The following KIF6 variants were observed in gnomAD, a reference collection of about 807,000 sequenced individuals.
The protein encoded by KIF6 is kinesin-like protein KIF6.
In KIF6, 106 loss-of-function variants were observed where a neutral mutation model predicts 112.7. That is an observed-to-expected ratio of 0.94 (90% CI 0.80 to 1.11). KIF6 has a LOEUF of 1.11. Among genes scored for constraint, KIF6 ranks in the 50% least tolerant of loss-of-function variants. The pLI, the probability that KIF6 is intolerant of heterozygous loss-of-function variation, is 0.00. For missense variants in KIF6, 929 were observed against 964.0 expected (o/e 0.96, Z 0.48); for synonymous variants, 339 against 339.9 (o/e 1.00, Z 0.03).
chr6:39,366,604 G>T (rs1262037734), intron 16 of KIF6, among the ~76,000 whole-genome samples: 1 of 152,168 alleles, frequency 6.6e-6, no homozygotes, highest in African/African-American at 2.4e-5. Flanking sequence ...TTTGAGCAGT[G>T]ACCTGAATGG....
chr6:39,716,633 C>T (rs1479741366), intron 2 of KIF6, among the ~76,000 whole-genome samples: 1 of 152,028 alleles, frequency 6.6e-6, no homozygotes, highest in East Asian at 1.9e-4. Flanking sequence ...AGGAAGAAGT[C>T]GAGATCCACA....
chr6:39,605,587 G>A (rs570006403), intron 6 of KIF6, among the ~76,000 whole-genome samples: 2 of 151,932 alleles, frequency 1.3e-5, no homozygotes, highest in South Asian at 4.2e-4. Context: ...GTATCATTTT[G>A]TTCTAATGAA....
chr6:39,490,303 G>A (rs1247730026), intron 13 of KIF6, among the ~76,000 whole-genome samples: 1 of 152,196 alleles, frequency 6.6e-6, no homozygotes, highest in East Asian at 1.9e-4. Context: ...AAGCAGAATG[G>A]ATTGTGAAAT....
intron 6 of KIF6, among the ~76,000 whole-genome samples, chr6:39,598,611 A>G (rs368112283): frequency 6.8e-5 from 10 of 146,530 alleles, no homozygotes; most frequent in African/African-American, 2.3e-4. Context: ...GTGTGTATCT[A>G]TATATCTATA....
At chr6:39,532,927 G>C (rs879102687) in intron 13 of KIF6, among the ~76,000 whole-genome samples, 11 of 152,186 alleles carry the variant, frequency 7.2e-5, no homozygotes, top group Admixed American at 7.2e-4. Flanking sequence ...ATCATGCTCT[G>C]CTGGCCTAAC....
At chr6:39,714,886 T>C in intron 2 of KIF6, 120 bp from the exon 3 acceptor site, 1 of 678,920 alleles carries the variant, frequency 1.5e-6, no homozygotes, top group South Asian at 1.8e-5. Context: ...TGGGCTTACC[T>C]AACTTAGCAC....
At chr6:39,352,097 G>A (rs1764285138) in intron 19 of KIF6, among the ~76,000 whole-genome samples, 1 of 152,210 alleles carries the variant, frequency 6.6e-6, no homozygotes, top group Non-Finnish European at 1.5e-5. Context: ...TTCTGCTTCT[G>A]CAGTTTTAAA....
intron 4 of KIF6, 73 bp from the exon 5 acceptor site, chr6:39,635,031 T>C (rs1784553216): frequency 1.3e-6 from 1 of 794,532 alleles, no homozygotes; most frequent in Non-Finnish European, 2.2e-6. Context: ...TGAACACATT[T>C]AGCACTCAGT....
chr6:39,491,507 T>G (rs1384257348), intron 13 of KIF6, among the ~76,000 whole-genome samples: 1 of 152,232 alleles, frequency 6.6e-6, no homozygotes, highest in South Asian at 2.1e-4. Flanking sequence ...TAAACGACTA[T>G]GTTTGGAGTT....
At chr6:39,353,207 T>C (rs1286951423) in intron 19 of KIF6, among the ~76,000 whole-genome samples, 1 of 152,240 alleles carries the variant, frequency 6.6e-6, no homozygotes, top group Non-Finnish European at 1.5e-5. Flanking sequence ...AGAGTTCCTA[T>C]TGCTCAACAT....
chr6:39,615,359 T>C (rs2045577), intron 5 of KIF6, among the ~76,000 whole-genome samples: 19,383 of 152,036 alleles, frequency 0.13, 1,779 homozygotes, highest in East Asian at 0.31. Context: ...AGAGATGGGG[T>C]AGCAGCAAAC....
At chr6:39,611,126 C>T (rs914655449) in intron 6 of KIF6, among the ~76,000 whole-genome samples, 1 of 152,004 alleles carries the variant, frequency 6.6e-6, no homozygotes, top group Non-Finnish European at 1.5e-5. Context: ...GCTAACATGG[C>T]GAAACCCTGT....
In KIF6 at chr6:39,343,469, G is replaced by C. The variant is rs1311060648; in HGVS notation, c.2428+240C>G. The C allele has an allele frequency of 6.8e-7, 1 of 1,471,676 alleles. No individual in the cohort carries two copies. The highest frequency in any genetic ancestry group is 9.0e-7 in the Non-Finnish European group (1 of 1,106,170). The allele number at this position is 1,471,676 out of a possible 1,614,324, so 91.2% of individuals were successfully genotyped here. A position where few individuals can be genotyped will look rare whatever the true frequency, so the allele number is the denominator to read the frequency against. ...AGACAGAGAGCAAGCTCTGCCAAGAGGGACAGGAGCACCTGGGCCGCCCAC... is the reference window on the plus strand; with the variant it reads ...AGACAGAGAGCAAGCTCTGCCAAGACGGACAGGAGCACCTGGGCCGCCCAC... On this transcript the variant is annotated intron_variant, in intron 22 of 22. Transcript: ENST00000287152. This position sits in a 1 kb window ranked among gnomAD's most constrained non-coding sequence, Gnocchi z 4.1.
intron 16 of KIF6, among the ~76,000 whole-genome samples, chr6:39,367,032 T>G (rs926640015): frequency 2.0e-5 from 3 of 152,014 alleles, no homozygotes; most frequent in Non-Finnish European, 4.4e-5. Flanking sequence ...GAAGCCAGAA[T>G]GAGGGCACAG....
chr6:39,720,874 T>G, intron 1 of KIF6, 63 bp from the exon 2 acceptor site: 1 of 758,764 alleles, frequency 1.3e-6, no homozygotes, highest in Admixed American at 1.9e-5. Flanking sequence ...ACTATCACCA[T>G]GTTATTATGA....
At chr6:39,619,879 TAA>T (rs948048173) in intron 5 of KIF6, among the ~76,000 whole-genome samples, 21 of 152,314 alleles carry the variant, frequency 1.4e-4, no homozygotes, top group Non-Finnish European at 2.6e-4. Context: ...CCAAATATAA[TAA>T]AGTTTTAGAT....
chr6:39,527,290 G>T (rs1322912533), intron 13 of KIF6, among the ~76,000 whole-genome samples: 1 of 152,160 alleles, frequency 6.6e-6, no homozygotes. Flanking sequence ...CTTCCTTTAT[G>T]CCATGAAGAC....
intron 11 of KIF6, 75 bp downstream of exon 11, chr6:39,545,508 G>C: frequency 1.1e-6 from 1 of 950,360 alleles, no homozygotes; most frequent in Non-Finnish European, 1.7e-6. Context: ...TCCAAGAACT[G>C]GTCAACTAGA....
chr6:39,354,334 G>A (rs368153492), intron 19 of KIF6, among the ~76,000 whole-genome samples: 100 of 152,348 alleles, frequency 6.6e-4, no homozygotes, highest in African/African-American at 2.3e-3. Context: ...GGAAGCAAGG[G>A]AGTAGGTTTG....
Sources: gnomAD v4.1 joint callset for allele counts (sites outside exome capture counted in the v4.1 genomes callset) on GRCh38, gnomAD v4.1.1 for gene constraint, Gnocchi (gnomAD v3.1) non-coding constraint, MANE v1.5 for transcripts, NCBI Gene and HGNC (gene_info 2026-07-23, HGNC 2026-07-21) for gene names.